Variants in CDH18 observed in about 807,000 individuals in gnomAD.
CDH18 encodes the protein cadherin-18.
CDH18 carries 31 observed loss-of-function variants against 67.9 expected under a neutral mutation model. The observed-to-expected ratio is 0.46, with a 90% CI of 0.34 to 0.62. The LOEUF (loss-of-function observed/expected upper bound fraction) is 0.62, where lower values mean the gene tolerates loss of function less well. Ranked by LOEUF, CDH18 falls within the 20% of genes least tolerant of loss-of-function variation. The pLI, the probability that CDH18 is intolerant of heterozygous loss-of-function variation, is 0.01. For missense variants in CDH18, 890 were observed against 975.5 expected (o/e 0.91, Z 1.17); for synonymous variants, 362 against 347.2 (o/e 1.04, Z -0.48).
Position 20,558,626 on chromosome 5 carries a change from C to G in CDH18, c.-580+16836G>C, listed in dbSNP as rs891351994. On this transcript the variant is annotated intron_variant, in intron 1 of 14. Coordinates refer to the CDH18 transcript ENST00000507958. ...TGTGGTGTTTGACTGATGCATTTAT[C>G]CCTTCAGTCTCCTCAAGTCTGGGTT... Among the ~76,000 whole-genome samples the G allele has an allele frequency of 5.3e-5, 8 of 152,140 alleles. 1 individual carries two copies. In the East Asian group the frequency reaches 1.2e-3, roughly 22 times the overall value.
chr5:20,527,889 A>T (rs1756164494), intron 1 of CDH18, among the ~76,000 whole-genome samples: 1 of 152,222 alleles, frequency 6.6e-6, no homozygotes, highest in Non-Finnish European at 1.5e-5. Flanking sequence ...TTATGATGAC[A>T]GGATCAGATT....
At chr5:19,713,267 A>C (rs1764942301) in intron 5 of CDH18, among the ~76,000 whole-genome samples, 1 of 152,076 alleles carries the variant, frequency 6.6e-6, no homozygotes. Flanking sequence ...GTAAAGGTAT[A>C]ACTACCATTT....
At chr5:20,565,020 C>T (rs1385156526) in intron 1 of CDH18, among the ~76,000 whole-genome samples, 2 of 152,158 alleles carry the variant, frequency 1.3e-5, no homozygotes, top group East Asian at 3.9e-4. Context: ...CTAGTGAGTA[C>T]ATTTTAAAAA....
intron 1 of CDH18, among the ~76,000 whole-genome samples, chr5:20,443,625 A>C (rs2150195117): frequency 6.6e-6 from 1 of 152,056 alleles, no homozygotes; most frequent in South Asian, 2.1e-4. Flanking sequence ...TTTATGAGTA[A>C]CTAATAGCAG....
chr5:19,603,656 A>G (rs1042515833), intron 6 of CDH18, among the ~76,000 whole-genome samples: 1 of 151,526 alleles, frequency 6.6e-6, no homozygotes, highest in Non-Finnish European at 1.5e-5. Context: ...CAAAATCACA[A>G]AAAGTGATAT....
chr5:19,990,571 A>C (rs185320806), upstream of CDH18, among the ~76,000 whole-genome samples: 26 of 152,316 alleles, frequency 1.7e-4, no homozygotes, highest in East Asian at 4.4e-3. Flanking sequence ...TCATCAAGGA[A>C]GGATTTGTAT....
intron 2 of CDH18, among the ~76,000 whole-genome samples, chr5:20,151,154 C>T (rs1362296911): frequency 6.6e-6 from 1 of 151,902 alleles, no homozygotes; most frequent in Non-Finnish European, 1.5e-5. Flanking sequence ...CCCCCTTTCT[C>T]TCCCCACCCT....
chr5:20,232,982 G>A (rs1742189802), intron 2 of CDH18, among the ~76,000 whole-genome samples: 1 of 151,772 alleles, frequency 6.6e-6, no homozygotes. Context: ...TGTCTTATAG[G>A]TTGCAATAAC....
intron 1 of CDH18, among the ~76,000 whole-genome samples, chr5:20,293,859 C>G (rs185377490): frequency 6.6e-6 from 1 of 152,006 alleles, no homozygotes; most frequent in Non-Finnish European, 1.5e-5. Flanking sequence ...AAACCTGAAA[C>G]GAGTGTAAAC....
intron 2 of CDH18, among the ~76,000 whole-genome samples, chr5:19,968,740 C>A (rs1579864996): frequency 7.0e-6 from 1 of 143,666 alleles, no homozygotes; most frequent in East Asian, 1.9e-4. Context: ...CATCAAAACC[C>A]TAGAAGAAAA....
At chr5:19,970,044 G>A (rs1317922998) in intron 2 of CDH18, among the ~76,000 whole-genome samples, 1 of 151,874 alleles carries the variant, frequency 6.6e-6, no homozygotes, top group Non-Finnish European at 1.5e-5. Flanking sequence ...TAGATACATG[G>A]AGCACTAAAA....
intron 7 of CDH18, among the ~76,000 whole-genome samples, chr5:19,579,908 A>G (rs2149978694): frequency 1.3e-5 from 2 of 149,642 alleles, no homozygotes; most frequent in South Asian, 4.2e-4. Flanking sequence ...ACCCCCCCCA[A>G]AGAAATATAA....
chr5:20,370,160 C>T (rs1742860132), intron 1 of CDH18, among the ~76,000 whole-genome samples: 1 of 152,044 alleles, frequency 6.6e-6, no homozygotes, highest in Non-Finnish European at 1.5e-5. Flanking sequence ...TCATCACCAT[C>T]ATCATTACTA....
intron 1 of CDH18, among the ~76,000 whole-genome samples, chr5:20,277,562 C>G (rs1243659200): frequency 1.3e-5 from 2 of 151,844 alleles, no homozygotes; most frequent in Non-Finnish European, 2.9e-5. Flanking sequence ...TACAGCAAGC[C>G]CAGAATATGA....
intron 3 of CDH18, among the ~76,000 whole-genome samples, chr5:19,787,958 A>G (rs902836215): frequency 1.3e-5 from 2 of 151,914 alleles, no homozygotes; most frequent in African/African-American, 4.8e-5. Context: ...AAATAATAGC[A>G]CCTATTAATA....
chr5:19,732,564 T>C (rs1767756922), intron 4 of CDH18, among the ~76,000 whole-genome samples: 1 of 152,150 alleles, frequency 6.6e-6, no homozygotes, highest in Non-Finnish European at 1.5e-5. Context: ...AAATCAAGCA[T>C]TTCTTGTTTA....
intron 1 of CDH18, among the ~76,000 whole-genome samples, chr5:20,456,594 T>C (rs1750850750): frequency 3.3e-5 from 5 of 152,106 alleles, no homozygotes. Flanking sequence ...AGTATTTCTC[T>C]CAAAGGGAAA....
chr5:20,455,613 G>A (rs561983920), intron 1 of CDH18, among the ~76,000 whole-genome samples: 6 of 152,074 alleles, frequency 3.9e-5, no homozygotes, highest in East Asian at 3.9e-4. Context: ...TTCAGAAATC[G>A]TGAAGTTTTA....
chr5:20,405,579 T>A (rs551846630), intron 1 of CDH18, among the ~76,000 whole-genome samples: 11 of 152,118 alleles, frequency 7.2e-5, no homozygotes, highest in Admixed American at 2.6e-4. Context: ...AAGCCAAAAT[T>A]GACAAATGGG....
Sources: gnomAD v4.1 joint callset for allele counts (sites outside exome capture counted in the v4.1 genomes callset) on GRCh38, gnomAD v4.1.1 for gene constraint, MANE v1.5 for transcripts, NCBI Gene and HGNC (gene_info 2026-07-23, HGNC 2026-07-21) for gene names.